The following CACNA2D4 variants were observed in gnomAD, a reference collection of about 807,000 sequenced individuals.
CACNA2D4 encodes the protein voltage-dependent calcium channel subunit alpha-2/delta-4.
CACNA2D4 carries 157 observed loss-of-function variants against 163.8 expected under a neutral mutation model. The ratio of observed to expected loss-of-function variants is 0.96; its 90% confidence interval spans 0.84 to 1.09. The LOEUF is 1.09. Ranked by LOEUF, CACNA2D4 falls within the 50% of genes least tolerant of loss-of-function variation. CACNA2D4 has a pLI of 0.00. For missense variants in CACNA2D4, 1,410 were observed against 1,479.9 expected (o/e 0.95, Z 0.78); for synonymous variants, 598 against 586.9 (o/e 1.02, Z -0.27).
intron 26 of CACNA2D4, chr12:1,835,721 C>CGGCT (rs1365237470): frequency 1.3e-5 from 2 of 152,644 alleles, no homozygotes; most frequent in African/African-American, 4.8e-5. Flanking sequence ...GGGCCTGGAG[C>CGGCT]GGCTGCATGT....
intron 18 of CACNA2D4, among the ~76,000 whole-genome samples, chr12:1,870,071 C>T (rs561882458): frequency 2.0e-5 from 3 of 152,182 alleles, no homozygotes; most frequent in South Asian, 4.1e-4. Flanking sequence ...AGGCCTAGGG[C>T]GAATCTCTTG....
At chr12:1,871,605 T>C (rs1865785250) in intron 18 of CACNA2D4, among the ~76,000 whole-genome samples, 2 of 151,874 alleles carry the variant, frequency 1.3e-5, no homozygotes, top group African/African-American at 4.8e-5. Context: ...TGTACACATG[T>C]ATGCCGCTCG....
At position 1,917,963 on chromosome 12, in the gene CACNA2D4, G is replaced by C. The variant is rs765738629; in HGVS notation, c.227+284C>G. On this transcript the variant is annotated intron_variant, in intron 1 of 37. Transcript: ENST00000382722. The surrounding 1 kb of genome is among the most constrained non-coding windows in gnomAD (Gnocchi z 4.3). ...CAGGTGTCCCAGAAGCTGCTTGTCA[G>C]GCCAGGAAGACAGCAGCCCTGATGA... The C allele has an allele frequency of 1.3e-5, 5 of 376,268 alleles. No homozygotes were observed. The highest frequency in any genetic ancestry group is 5.1e-5 in the Admixed American group (1 of 19,588). 23.3% of individuals were successfully genotyped at this position (376,268 alleles called of 1,614,324 possible).
chr12:1,795,806 A>G lies in CACNA2D4; in HGVS notation c.3114-26T>C, dbSNP rs200853878. On this transcript the variant is annotated intron_variant, in intron 35 of 37. Coordinates refer to ENST00000382722, the MANE Select transcript of CACNA2D4 (RefSeq NM_172364.5). Reference sequence around the variant, plus strand: ...CTGCAGCAAAGAAAGGGAGTCGAGGATGGCTCCGTGGCGACCACGAGAAGG... The same window carrying G: ...CTGCAGCAAAGAAAGGGAGTCGAGGGTGGCTCCGTGGCGACCACGAGAAGG... The G allele has an allele frequency of 2.1e-6, 3 of 1,449,930 alleles. No individual in the cohort carries two copies. The African/African-American group carries it at 4.2e-5, about 20-fold the overall frequency. The allele number at this position is 1,449,930 out of a possible 1,614,324, so 89.8% of individuals were successfully genotyped here. A position where few individuals can be genotyped will look rare whatever the true frequency, so the allele number is the denominator to read the frequency against.
chr12:1,912,070 A>G (rs1418232217), intron 3 of CACNA2D4, among the ~76,000 whole-genome samples: 1 of 152,180 alleles, frequency 6.6e-6, no homozygotes, highest in African/African-American at 2.4e-5. Flanking sequence ...GCCTCCTCCC[A>G]GAGTGGGGGT....
At chr12:1,871,671 ATG>A (rs1173858556) in intron 18 of CACNA2D4, among the ~76,000 whole-genome samples, 1 of 137,192 alleles carries the variant, frequency 7.3e-6, no homozygotes, top group East Asian at 2.4e-4. Context: ...TGCTGCTGGT[ATG>A]TGTGTACACA....
intron 20 of CACNA2D4, among the ~76,000 whole-genome samples, chr12:1,857,991 G>A (rs775418367): frequency 1.5e-4 from 23 of 152,218 alleles, no homozygotes; most frequent in Non-Finnish European, 3.2e-4. Flanking sequence ...ACTGAAGTGT[G>A]CAGCTGCAAG....
In CACNA2D4 at chr12:1,875,467, A is replaced by G; in HGVS notation, c.1720-130T>C. On this transcript the variant is annotated intron_variant, in intron 16 of 37. Coordinates refer to ENST00000382722, the MANE Select transcript of CACNA2D4 (RefSeq NM_172364.5). The surrounding 1 kb of genome is among the most constrained non-coding windows in gnomAD (Gnocchi z 4.0). ...TCCTTAGAAATCAATCAATCCAGTAATTACTTAAGGTTATCTGGGCAAATT... is the reference window on the plus strand; with the variant it reads ...TCCTTAGAAATCAATCAATCCAGTAGTTACTTAAGGTTATCTGGGCAAATT... 2 of 665,940 alleles carry G rather than the reference A, an allele frequency of 3.0e-6. No homozygotes were observed. The highest frequency in any genetic ancestry group is 2.8e-6 in the Non-Finnish European group (1 of 363,044). 41.3% of individuals were successfully genotyped at this position (665,940 alleles called of 1,614,324 possible).
rs1395018966 is a variant in CACNA2D4 at position 1,829,643 on chromosome 12, C to A, written c.2551+11096G>T. On this transcript the variant is annotated intron_variant, in intron 26 of 37. Coordinates refer to ENST00000382722, the MANE Select transcript of CACNA2D4 (RefSeq NM_172364.5). This position sits in a 1 kb window ranked among gnomAD's most constrained non-coding sequence, Gnocchi z 4.2. ...CCTTTGGGACAGCAGACACCCAGAC[C>A]CCTACTGGACAAGACTCAAGGCTGT... 6.6e-6 allele frequency among the ~76,000 whole-genome samples: 1 copy of A among 151,374 alleles called. No individual in the cohort carries two copies. The highest frequency in any genetic ancestry group is 1.5e-5 in the Non-Finnish European group (1 of 67,788).
chr12:1,905,792 A>G (rs1333148629), intron 6 of CACNA2D4, among the ~76,000 whole-genome samples: 1 of 152,182 alleles, frequency 6.6e-6, no homozygotes, highest in African/African-American at 2.4e-5. Flanking sequence ...CTACTGATTC[A>G]TTGCAATCCC....
chr12:1,846,845 C>T (rs534093416), intron 23 of CACNA2D4, among the ~76,000 whole-genome samples, 156 bp from the exon 24 acceptor site: 12 of 152,334 alleles, frequency 7.9e-5, no homozygotes, highest in Admixed American at 2.0e-4. Flanking sequence ...GGCCGGGACA[C>T]GCACCCTGCT....
In CACNA2D4 at chr12:1,833,291, C is replaced by T. The variant is rs954683494; in HGVS notation, c.2551+7448G>A. 5.3e-5 allele frequency among the ~76,000 whole-genome samples: 8 copies of T among 152,112 alleles called. No individual in the cohort carries two copies. Among genetic ancestry groups the T allele is most frequent in the African/African-American group, 1.2e-4 (5 of 41,410 alleles). On this transcript the variant is annotated intron_variant, in intron 26 of 37. Transcript: ENST00000382722. The surrounding 1 kb of genome is among the most constrained non-coding windows in gnomAD (Gnocchi z 4.2). ...GGAGTGGCTGCAGCCCGCATCTTTT[C>T]GGCAGGGGGTCTAGTGCCTGCATCC... is the stretch of plus-strand genomic sequence containing the variant.
intron 6 of CACNA2D4, among the ~76,000 whole-genome samples, chr12:1,892,203 AG>A (rs2154450054): frequency 6.6e-6 from 1 of 152,378 alleles, no homozygotes; most frequent in African/African-American, 2.4e-5. Flanking sequence ...CCATGAGACT[AG>A]CAATGGATTT....
At chr12:1,824,942 A>C (rs1315195493) in intron 26 of CACNA2D4, among the ~76,000 whole-genome samples, 1 of 152,236 alleles carries the variant, frequency 6.6e-6, no homozygotes, top group Non-Finnish European at 1.5e-5. Context: ...TCCAGGAGGA[A>C]GCCCAAGGGA....
intron 18 of CACNA2D4, among the ~76,000 whole-genome samples, chr12:1,871,649 T>C (rs1195840107): frequency 6.6e-6 from 1 of 152,122 alleles, no homozygotes; most frequent in Non-Finnish European, 1.5e-5. Context: ...TACTGGTGTG[T>C]GTACACGTGT....
rs1865101029 is a variant in CACNA2D4 at position 1,844,533 on chromosome 12, C to A, written c.2343-4G>T. 3 of 1,611,920 alleles carry A rather than the reference C, an allele frequency of 1.9e-6. No individual in the cohort carries two copies. In the East Asian group the frequency reaches 6.7e-5, roughly 36 times the overall value. On this transcript the variant is annotated splice_region_variant and splice_polypyrimidine_tract_variant and intron_variant, in intron 24 of 37. Transcript: ENST00000382722. The surrounding 1 kb of genome is among the most constrained non-coding windows in gnomAD (Gnocchi z 4.2). The stretch of plus-strand genomic sequence containing the variant: ...GTCCTCAGGTGTCAGGAACTTCCTG[C>A]AAGGAGGAAGATGTGGTACCTCTCC...
At chr12:1,895,544 A>T (rs1866382744) in intron 6 of CACNA2D4, among the ~76,000 whole-genome samples, 1 of 152,244 alleles carries the variant, frequency 6.6e-6, no homozygotes, top group South Asian at 2.1e-4. Context: ...GTATAAAAAC[A>T]GACCCAAAGA....
chr12:1,842,331 C>T (rs1865043645), intron 25 of CACNA2D4, among the ~76,000 whole-genome samples: 1 of 152,194 alleles, frequency 6.6e-6, no homozygotes, highest in South Asian at 2.1e-4. Context: ...GGGACTTAGC[C>T]CACCAGGCCC....
At chr12:1,910,551 G>A (rs1464169284) in intron 3 of CACNA2D4, among the ~76,000 whole-genome samples, 1 of 152,134 alleles carries the variant, frequency 6.6e-6, no homozygotes, top group Non-Finnish European at 1.5e-5. Context: ...TAAAAATAAA[G>A]TCTACTAAAA....
Sources: allele counts gnomAD v4.1 joint callset (sites outside exome capture counted in the v4.1 genomes callset), GRCh38; gene constraint gnomAD v4.1.1; non-coding constraint Gnocchi (gnomAD v3.1); transcripts MANE v1.5; gene names NCBI Gene and HGNC (gene_info 2026-07-23, HGNC 2026-07-21).